The following PEAK1 variants were observed in gnomAD, a reference collection of about 807,000 sequenced individuals.
The protein encoded by PEAK1 is pseudopodium enriched atypical kinase 1.
PEAK1 carries 54 observed loss-of-function variants against 124.7 expected under a neutral mutation model. The observed-to-expected ratio is 0.43, with a 90% CI of 0.35 to 0.54. The LOEUF (loss-of-function observed/expected upper bound fraction) is 0.54. Ranked by LOEUF, PEAK1 falls within the 20% of genes least tolerant of loss-of-function variation. The pLI is 0.01. For synonymous variants in PEAK1, 719 were observed against 760.0 expected, an observed-to-expected ratio of 0.95 and a Z score of 0.89; for missense variants, 2,046 against 2,134.5, an observed-to-expected ratio of 0.96 and a Z score of 0.82.
At chr15:77,283,124 A>C (rs1459503758) in intron 5 of PEAK1, among the ~76,000 whole-genome samples, 3 of 152,210 alleles carry the variant, frequency 2.0e-5, no homozygotes, top group African/African-American at 7.2e-5. Flanking sequence ...AGAGAATCTT[A>C]TAATGGACTC....
chr15:77,327,996 C>T (rs1344273477), intron 2 of PEAK1, among the ~76,000 whole-genome samples: 1 of 152,112 alleles, frequency 6.6e-6, no homozygotes, highest in East Asian at 1.9e-4. Context: ...ATAGCAGTAG[C>T]TCAACTCCCT....
intron 8 of PEAK1, among the ~76,000 whole-genome samples, chr15:77,140,364 A>G (rs748951444): frequency 6.6e-6 from 1 of 152,210 alleles, no homozygotes; most frequent in Non-Finnish European, 1.5e-5. Flanking sequence ...AACCGAATCC[A>G]GCAACATATA....
chr15:77,273,305 T>C (rs927737755), intron 5 of PEAK1, among the ~76,000 whole-genome samples: 11 of 152,106 alleles, frequency 7.2e-5, no homozygotes, highest in African/African-American at 2.7e-4. Context: ...GCAGCCAAAC[T>C]GGCAAAGAGG....
At chr15:77,383,314 C>T (rs2069642208) in intron 1 of PEAK1, among the ~76,000 whole-genome samples, 1 of 152,154 alleles carries the variant, frequency 6.6e-6, no homozygotes, top group African/African-American at 2.4e-5. Context: ...ACATGAGCTA[C>T]CATGCCCAGC....
intron 6 of PEAK1, among the ~76,000 whole-genome samples, chr15:77,197,266 C>T (rs114232428): frequency 3.5e-4 from 53 of 152,184 alleles, no homozygotes; most frequent in African/African-American, 1.3e-3. Flanking sequence ...GGAAGGATAG[C>T]CAATGACAGA....
At chr15:77,335,366 G>C in intron 2 of PEAK1, 1 of 985,334 alleles carries the variant, frequency 1.0e-6, no homozygotes, top group South Asian at 4.7e-5. Flanking sequence ...ATTCATCTAT[G>C]TATCTAGTGG....
At chr15:77,103,092 ATTATT>A (rs1178341413) in exon 7 of PEAK1, 1 of 152,172 alleles carries the variant, frequency 6.6e-6, no homozygotes, top group Non-Finnish European at 1.5e-5. Context: ...ATGTAATGCT[ATTATT>A]TTTAGTGCGA....
chr15:77,319,059 G>T (rs2065042170), intron 2 of PEAK1, among the ~76,000 whole-genome samples: 1 of 152,150 alleles, frequency 6.6e-6, no homozygotes, highest in Admixed American at 6.6e-5. Context: ...AAAGAAGACT[G>T]TCTCCAGCTA....
intron 8 of PEAK1, chr15:77,155,433 T>C (rs1374731828): frequency 1.3e-5 from 2 of 152,384 alleles, no homozygotes; most frequent in Non-Finnish European, 2.9e-5. Context: ...GGTTAGAATT[T>C]CCTCCTGTAG....
At chr15:77,269,446 G>C (rs2061914491) in intron 5 of PEAK1, among the ~76,000 whole-genome samples, 1 of 152,024 alleles carries the variant, frequency 6.6e-6, no homozygotes, top group Admixed American at 6.6e-5. Context: ...ATGATAAAAG[G>C]TCTAATACAA....
chr15:77,283,101 C>G (rs1054697775), intron 5 of PEAK1, among the ~76,000 whole-genome samples: 2 of 152,120 alleles, frequency 1.3e-5, no homozygotes, highest in African/African-American at 4.8e-5. Context: ...GAAAGAACAT[C>G]AGCAGCTGGG....
chr15:77,179,323 A>G lies in PEAK1; in HGVS notation c.2604T>C (p.Ala868=). The G allele has an allele frequency of 6.2e-7, 1 of 1,613,550 alleles. No individual in the cohort carries two copies. The highest frequency in any genetic ancestry group is 1.1e-5 in the South Asian group (1 of 91,040). ...AAGTAGAGCGTGGCGGGGGAAAGGG[A>G]GCTGGTGGCTCACTTTGGGGGCTAG... is the stretch of plus-strand genomic sequence containing the variant. ...LVTSPQSEPP[A]PFPPPRSTSS... Residue 868 remains alanine (A), a synonymous_variant, in exon 7 of 10, where the codon GCT becomes GCC. Transcript: ENST00000682557.
intron 6 of PEAK1, among the ~76,000 whole-genome samples, chr15:77,232,314 A>AACACAC (rs3071161): frequency 6.7e-6 from 1 of 150,022 alleles, no homozygotes; most frequent in African/African-American, 2.4e-5. Flanking sequence ...AGTGTCAGGA[A>AACACAC]ACACACACAC....
At chr15:77,258,402 T>C (rs546148495) in intron 5 of PEAK1, among the ~76,000 whole-genome samples, 8 of 152,310 alleles carry the variant, frequency 5.3e-5, no homozygotes, top group African/African-American at 1.7e-4. Flanking sequence ...TTTTATTTCA[T>C]TGAGCAGTGG....
intron 2 of PEAK1, chr15:77,337,772 AAC>A (rs1392622646): frequency 3.0e-6 from 3 of 985,212 alleles, no homozygotes; most frequent in Non-Finnish European, 3.6e-6. Flanking sequence ...CAAAATCTGG[AAC>A]ACATTTTATA....
At chr15:77,123,915 G>A (rs2052145084) in intron 9 of PEAK1, among the ~76,000 whole-genome samples, 1 of 152,086 alleles carries the variant, frequency 6.6e-6, no homozygotes, top group South Asian at 2.1e-4. Flanking sequence ...AGAAGATATG[G>A]ATGAGATGGA....
Position 77,108,894 on chromosome 15 carries a change from T to C in PEAK1, c.*5262A>G, listed in dbSNP as rs1288681965. 6.6e-6 allele frequency: 1 copy of C among 152,120 alleles called. No homozygotes were observed. The highest frequency in any genetic ancestry group is 1.5e-5 in the Non-Finnish European group (1 of 68,024). The allele number at this position is 152,120 out of a possible 1,614,324, so 9.4% of individuals were successfully genotyped here. A position where few individuals can be genotyped will look rare whatever the true frequency, so the allele number is the denominator to read the frequency against. On this transcript the variant is annotated 3_prime_UTR_variant, in exon 10 of 10. Coordinates refer to ENST00000682557, the MANE Select transcript of PEAK1 (RefSeq NM_001385026.1). ...GAGACTTTCTGGAGTGGGAAACATGTAATGGGATGTTGGGAATGCAGGCCC... is the reference window on the plus strand; with the variant it reads ...GAGACTTTCTGGAGTGGGAAACATGCAATGGGATGTTGGGAATGCAGGCCC...
At chr15:77,378,461 C>G (rs116476587) in intron 1 of PEAK1, among the ~76,000 whole-genome samples, 1 of 151,918 alleles carries the variant, frequency 6.6e-6, no homozygotes, top group African/African-American at 2.4e-5. Context: ...TGCTACTTCA[C>G]GGTATTATTT....
rs557627016 is a variant in PEAK1 at position 77,283,975 on chromosome 15, T to C, written c.-367A>G. ...CCTTCTTGGATTTTTTCATAAATCA[T>C]TGAATTCTCACTTTCTCACAAAATG... On this transcript the variant is annotated 5_prime_UTR_variant, in exon 5 of 10. An upstream start codon of the reference 5' UTR is lost. Transcript: ENST00000682557. 7.2e-5 allele frequency: 71 copies of C among 983,724 alleles called. No individual in the cohort carries two copies. In the African/African-American group the frequency reaches 8.7e-4, roughly 12 times the overall value. The allele number at this position is 983,724 out of a possible 1,614,324, so 60.9% of individuals were successfully genotyped here. A position where few individuals can be genotyped will look rare whatever the true frequency, so the allele number is the denominator to read the frequency against.
Sources: gnomAD v4.1 joint callset for allele counts (sites outside exome capture counted in the v4.1 genomes callset) on GRCh38, gnomAD v4.1.1 for gene constraint, MANE v1.5 for transcripts, NCBI Gene and HGNC (gene_info 2026-07-23, HGNC 2026-07-21) for gene names.